The following STAU2 variants were observed in gnomAD, a reference collection of about 807,000 sequenced individuals.
STAU2 encodes double-stranded RNA-binding protein Staufen homolog 2.
STAU2 carries 20 observed loss-of-function variants against 65.9 expected under a neutral mutation model. That is an observed-to-expected ratio of 0.30 (90% CI 0.21 to 0.44). The LOEUF is 0.44. STAU2 is among the 20% of genes least tolerant of loss of function. The probability of loss-of-function intolerance (pLI) is 1.00; values close to 1 mark genes in which losing one functional copy is unlikely to be tolerated. For missense variants in STAU2, 558 were observed against 683.9 expected (o/e 0.82, Z 2.05); for synonymous variants, 232 against 233.9 (o/e 0.99, Z 0.07).
At chr8:73,601,529 T>C (rs537373299) in intron 10 of STAU2, among the ~76,000 whole-genome samples, 111 of 152,348 alleles carry the variant, frequency 7.3e-4, no homozygotes, top group African/African-American at 2.5e-3. Flanking sequence ...ATCTCATCTC[T>C]AGATATTTTG....
At chr8:73,611,128 A>G (rs1277380472) in intron 9 of STAU2, among the ~76,000 whole-genome samples, 1 of 152,198 alleles carries the variant, frequency 6.6e-6, no homozygotes, top group Non-Finnish European at 1.5e-5. Context: ...CTCAATGTAT[A>G]AGCCATACAA....
At chr8:73,744,410 T>C (rs1296411376) in intron 1 of STAU2, among the ~76,000 whole-genome samples, 1 of 145,900 alleles carries the variant, frequency 6.9e-6, no homozygotes, top group African/African-American at 2.5e-5. Flanking sequence ...TCTGTACCTA[T>C]AAATGATCAG....
intron 13 of STAU2, among the ~76,000 whole-genome samples, chr8:73,472,505 T>C (rs2128906584): frequency 6.6e-6 from 1 of 152,200 alleles, no homozygotes; most frequent in Non-Finnish European, 1.5e-5. Context: ...TAGAAAACCA[T>C]CAATAAAAAA....
intron 13 of STAU2, among the ~76,000 whole-genome samples, chr8:73,515,851 G>A (rs926696516): frequency 7.7e-6 from 1 of 129,402 alleles, no homozygotes; most frequent in Non-Finnish European, 1.6e-5. Context: ...GTGGCTCACT[G>A]CAACCTCCAC....
chr8:73,699,860 CAA>C (rs201419278), intron 4 of STAU2, among the ~76,000 whole-genome samples: 2 of 88,844 alleles, frequency 2.3e-5, no homozygotes, highest in Non-Finnish European at 2.3e-5. Context: ...AAACACACAT[CAA>C]AAAAAAAAAA....
chr8:73,453,025 G>T (rs1007250713), intron 13 of STAU2, among the ~76,000 whole-genome samples: 2 of 152,200 alleles, frequency 1.3e-5, no homozygotes, highest in African/African-American at 2.4e-5. Flanking sequence ...TAGATCTGCT[G>T]TTAAAACCTA....
intron 12 of STAU2, among the ~76,000 whole-genome samples, chr8:73,572,408 C>T (rs948142787): frequency 1.3e-5 from 2 of 152,178 alleles, no homozygotes; most frequent in Non-Finnish European, 2.9e-5. Flanking sequence ...TTGAGGCCAA[C>T]ATCATCCTGA....
At chr8:73,716,141 T>C (rs1202430049) in intron 3 of STAU2, among the ~76,000 whole-genome samples, 3 of 149,898 alleles carry the variant, frequency 2.0e-5, no homozygotes, top group Non-Finnish European at 4.4e-5. Flanking sequence ...CAGGCTGGAG[T>C]GCAGTGGTGT....
At chr8:73,664,731 C>T (rs1817105844) in intron 6 of STAU2, among the ~76,000 whole-genome samples, 1 of 152,124 alleles carries the variant, frequency 6.6e-6, no homozygotes, top group Admixed American at 6.6e-5. Context: ...TGGCTCATGC[C>T]TGTAATCCCA....
At chr8:73,477,978 A>G (rs1285161691) in intron 13 of STAU2, among the ~76,000 whole-genome samples, 2 of 151,980 alleles carry the variant, frequency 1.3e-5, no homozygotes, top group African/African-American at 4.8e-5. Context: ...AATCATGATC[A>G]AGTGTCTATT....
At chr8:73,536,638 G>T (rs1299284909) in intron 13 of STAU2, among the ~76,000 whole-genome samples, 1 of 152,104 alleles carries the variant, frequency 6.6e-6, no homozygotes, top group Non-Finnish European at 1.5e-5. Context: ...CCTATACCTA[G>T]TGATGATGGG....
At chr8:73,690,974 A>T (rs1378331860) in intron 4 of STAU2, among the ~76,000 whole-genome samples, 1 of 152,198 alleles carries the variant, frequency 6.6e-6, no homozygotes, top group Non-Finnish European at 1.5e-5. Flanking sequence ...CCACAAAGTA[A>T]GAAAGTTCAA....
chr8:73,644,506 G>A (rs1017958974), intron 6 of STAU2, among the ~76,000 whole-genome samples: 5 of 151,316 alleles, frequency 3.3e-5, no homozygotes, highest in African/African-American at 9.7e-5. Context: ...AAGACGAAAC[G>A]TTTCAAATAA....
chr8:73,474,137 A>T lies in STAU2; in HGVS notation c.1531-51435T>A, dbSNP rs137938243. Reference sequence around the variant, plus strand: ...GGTATGTGGTCTAAATGGTTAAAAAACAAAACAAAACAAAACAAAAAAACA... The same window carrying T: ...GGTATGTGGTCTAAATGGTTAAAAATCAAAACAAAACAAAACAAAAAAACA... On this transcript the variant is annotated intron_variant, in intron 13 of 14. Coordinates refer to ENST00000524300, the MANE Select transcript of STAU2 (RefSeq NM_001164380.2). Among the ~76,000 whole-genome samples, 708 of 152,226 alleles carry T rather than the reference A, an allele frequency of 4.7e-3. 7 individuals are homozygous for T. Among genetic ancestry groups the T allele is most frequent in the African/African-American group, 0.016 (662 of 41,522 alleles).
intron 13 of STAU2, among the ~76,000 whole-genome samples, chr8:73,472,995 T>A (rs1820115655): frequency 6.6e-6 from 1 of 152,212 alleles, no homozygotes; most frequent in South Asian, 2.1e-4. Context: ...ACCATATACA[T>A]TAGAATCTTT....
intron 6 of STAU2, chr8:73,654,030 C>T (rs1429975246): frequency 4.8e-6 from 1 of 209,094 alleles, no homozygotes; most frequent in Non-Finnish European, 9.7e-6. Context: ...ATCTTGCTAC[C>T]ACATTTTTTA....
At chr8:73,646,871 TA>T (rs1270886364) in intron 6 of STAU2, among the ~76,000 whole-genome samples, 10 of 129,548 alleles carry the variant, frequency 7.7e-5, no homozygotes, top group South Asian at 2.5e-4. Flanking sequence ...AACTCAACAG[TA>T]AAAAAAAAAC....
At chr8:73,506,810 C>A (rs1342062208) in intron 13 of STAU2, among the ~76,000 whole-genome samples, 1 of 152,090 alleles carries the variant, frequency 6.6e-6, no homozygotes, top group African/African-American at 2.4e-5. Flanking sequence ...CCTCTCAAAC[C>A]CTGCTGCTGT....
intron 13 of STAU2, among the ~76,000 whole-genome samples, chr8:73,429,180 A>G (rs1405553675): frequency 2.0e-5 from 3 of 152,080 alleles, no homozygotes; most frequent in Admixed American, 6.6e-5. Context: ...GTGGTGACCG[A>G]TTTATCTTAA....
Sources: allele counts gnomAD v4.1 joint callset (sites outside exome capture counted in the v4.1 genomes callset), GRCh38; gene constraint gnomAD v4.1.1; transcripts MANE v1.5; gene names NCBI Gene and HGNC (gene_info 2026-07-23, HGNC 2026-07-21).